The following MBD1 variants were observed in gnomAD, a reference collection of about 807,000 sequenced individuals.
MBD1 encodes the protein methyl-CpG binding domain protein 1, also known as methyl-CpG-binding domain protein 1.
In MBD1, 25 loss-of-function variants were observed where a neutral mutation model predicts 82.6. That is an observed-to-expected ratio of 0.30 (90% CI 0.22 to 0.42). MBD1 has a LOEUF of 0.42. MBD1 is among the 10% of genes least tolerant of loss of function. MBD1 has a pLI of 1.00. For synonymous variants in MBD1, 301 were observed against 303.7 expected (o/e 0.99, Z 0.09); for missense variants, 627 against 819.6 (o/e 0.76, Z 2.87).
intron 2 of MBD1, 99 bp from the exon 3 acceptor site, chr18:50,277,303 G>A: frequency 1.0e-6 from 1 of 958,222 alleles, no homozygotes; most frequent in Non-Finnish European, 1.6e-6. Context: ...GAGGCAGCCT[G>A]GAATTGGCTT....
Position 50,276,407 on chromosome 18 carries a change from C to T in MBD1, c.487G>A (p.Ala163Thr). The change falls in exon 6 of 17, where the codon GCC (alanine) becomes ACC (threonine). Residue 163 changes from alanine (A) to threonine (T), a missense_variant. By Grantham distance (58) the Ala-to-Thr change is moderately conservative. Around this residue, in one of 6 missense-constraint regions of MBD1, gnomAD observed 228 missense variants for 318.1 expected, o/e 0.72. Coordinates refer to ENST00000269468, the MANE Select transcript of MBD1 (RefSeq NM_015846.4). ...LCKDCRAQRIAFNREQRMFKR... is the reference protein window; with the variant it reads ...LCKDCRAQRITFNREQRMFKR... ...AACATTCTCTGTTCCCGGTTGAAGGCAATTCTCTGTGCTGTGGGGAGGAAG... is the reference window on the plus strand; with the variant it reads ...AACATTCTCTGTTCCCGGTTGAAGGTAATTCTCTGTGCTGTGGGGAGGAAG... The T allele has an allele frequency of 6.2e-7, 1 of 1,614,138 alleles. No homozygotes were observed. The highest frequency in any genetic ancestry group is 1.1e-5 in the South Asian group (1 of 91,070).
In MBD1 at chr18:50,272,702, G is replaced by C. The variant is rs539780746; in HGVS notation, c.1753C>G (p.Arg585Gly). ...EIFSLGGTRFRDTAVWLPRSK... is the reference protein window; with the variant it reads ...EIFSLGGTRFGDTAVWLPRSK... Reference sequence around the variant, plus strand: ...CTTGGCAACCAGACTGCTGTATCTCGGAAGCGGGTTCCACCCAGGCTGAAA... The same window carrying C: ...CTTGGCAACCAGACTGCTGTATCTCCGAAGCGGGTTCCACCCAGGCTGAAA... The change falls in exon 15 of 17, where the codon CGA becomes GGA. Residue 585 changes from arginine (R) to glycine (G), a missense_variant. By Grantham distance (125) the Arg-to-Gly change is moderately radical. Transcript: ENST00000269468. 14 of 1,614,018 alleles carry C rather than the reference G, an allele frequency of 8.7e-6. No individual in the cohort carries two copies. Among genetic ancestry groups the C allele is most frequent in the Non-Finnish European group, 1.1e-5 (13 of 1,180,018 alleles).
chr18:50,274,440 C>A, intron 10 of MBD1, 87 bp from the exon 11 acceptor site: 1 of 1,428,692 alleles, frequency 7.0e-7, no homozygotes, highest in South Asian at 1.2e-5. Flanking sequence ...CCTGGTGCTC[C>A]TCTAGCCCCA....
intron 16 of MBD1, chr18:50,271,095 AG>A (rs2145684841): frequency 9.4e-7 from 1 of 1,059,216 alleles, no homozygotes; most frequent in East Asian, 7.4e-5. Flanking sequence ...TATCTCCCTG[AG>A]GAAGTATGTA....
chr18:50,280,701 TCCCC>T (rs2039896116), intron 1 of MBD1, among the ~76,000 whole-genome samples: 1 of 150,856 alleles, frequency 6.6e-6, no homozygotes, highest in Non-Finnish European at 1.5e-5. Flanking sequence ...GCCCAAGACC[TCCCC>T]CCTTATTTTT....
In MBD1 at chr18:50,269,702, C is replaced by T. The variant is rs765262708; in HGVS notation, c.*149G>A. 1 of 780,250 alleles carries T rather than the reference C, an allele frequency of 1.3e-6. No homozygotes were observed. The highest frequency in any genetic ancestry group is 2.4e-6 in the Non-Finnish European group (1 of 417,770). 48.3% of individuals were successfully genotyped at this position (780,250 alleles called of 1,614,324 possible). The stretch of plus-strand genomic sequence containing the variant: ...CATCGAAGCTGGAGGTGGTGAGAGA[C>T]TGACATGGGTTCCAGGCCATCCTCG... On this transcript the variant is annotated 3_prime_UTR_variant, in exon 17 of 17. Coordinates refer to ENST00000269468, the MANE Select transcript of MBD1 (RefSeq NM_015846.4).
At chr18:50,274,787 A>G (rs533194070) in intron 10 of MBD1, among the ~76,000 whole-genome samples, 190 bp downstream of exon 10, 1 of 152,280 alleles carries the variant, frequency 6.6e-6, no homozygotes, top group African/African-American at 2.4e-5. Context: ...GAGTGTTGGT[A>G]TATGTGACAT....
In MBD1 at chr18:50,276,131, A is replaced by G. The variant is rs1178896394; in HGVS notation, c.517-150T>C. On this transcript the variant is annotated intron_variant, in intron 6 of 16. Coordinates refer to ENST00000269468, the MANE Select transcript of MBD1 (RefSeq NM_015846.4). ...ATCTGAGAAGGTCTGGTTAGTCACCATCACTGAGGCCATTAGTATGTCTAC... is the reference window on the plus strand; with the variant it reads ...ATCTGAGAAGGTCTGGTTAGTCACCGTCACTGAGGCCATTAGTATGTCTAC... 1.2e-5 allele frequency: 12 copies of G among 1,030,008 alleles called. 1 individual carries two copies. Among genetic ancestry groups the G allele is most frequent in the South Asian group, 4.1e-5 (3 of 72,334 alleles). 63.8% of individuals were successfully genotyped at this position (1,030,008 alleles called of 1,614,324 possible). A position where few individuals can be genotyped will look rare whatever the true frequency, so the allele number is the denominator to read the frequency against.
Position 50,269,378 on chromosome 18 carries a change from A to T in MBD1, c.*473T>A, listed in dbSNP as rs2034531716. 1 of 1,249,792 alleles carries T rather than the reference A, an allele frequency of 8.0e-7. No homozygotes were observed. The highest frequency in any genetic ancestry group is 1.5e-5 in the African/African-American group (1 of 66,048). The allele number at this position is 1,249,792 out of a possible 1,614,324, so 77.4% of individuals were successfully genotyped here. A position where few individuals can be genotyped will look rare whatever the true frequency, so the allele number is the denominator to read the frequency against. On this transcript the variant is annotated 3_prime_UTR_variant, in exon 17 of 17. Transcript: ENST00000269468. Reference sequence around the variant, plus strand: ...GCTATGTTTCCCGGAACTCTCTTCCAGTAAGATGGGCCACAAGAGACATTT... The same window carrying T: ...GCTATGTTTCCCGGAACTCTCTTCCTGTAAGATGGGCCACAAGAGACATTT...
intron 6 of MBD1, 81 bp from the exon 7 acceptor site, chr18:50,276,062 T>C (rs2037746754): frequency 6.5e-7 from 1 of 1,537,686 alleles, no homozygotes. Context: ...CTACATCAGC[T>C]GGCATCACCA....
rs2034478439 is a variant in MBD1 at position 50,269,235 on chromosome 18, G to A, written c.*616C>T. The A allele has an allele frequency of 9.2e-7, 1 of 1,082,558 alleles. No homozygotes were observed. The highest frequency in any genetic ancestry group is 4.9e-5 in the Admixed American group (1 of 20,390). The allele number at this position is 1,082,558 out of a possible 1,614,324, so 67.1% of individuals were successfully genotyped here. A position where few individuals can be genotyped will look rare whatever the true frequency, so the allele number is the denominator to read the frequency against. On this transcript the variant is annotated 3_prime_UTR_variant, in exon 17 of 17. Transcript: ENST00000269468. Reference sequence around the variant, plus strand: ...TTGCTGGAATCACCATGAAATCCATGGTCTTCAGCTTTGCATTTTCAGCCA... The same window carrying A: ...TTGCTGGAATCACCATGAAATCCATAGTCTTCAGCTTTGCATTTTCAGCCA...
chr18:50,274,593 T>C (rs1293935023), intron 10 of MBD1, among the ~76,000 whole-genome samples: 2 of 152,188 alleles, frequency 1.3e-5, no homozygotes, highest in Non-Finnish European at 2.9e-5. Context: ...TCCACTACAG[T>C]ATCCACTGCT....
chr18:50,268,871 ATAATTT>A lies in MBD1; in HGVS notation c.*974_*979del. 1.0e-6 allele frequency: 1 copy of A among 970,436 alleles called. No homozygotes were observed. Among genetic ancestry groups the A allele is most frequent in the Non-Finnish European group, 1.2e-6 (1 of 816,272 alleles). The allele number at this position is 970,436 out of a possible 1,614,324, so 60.1% of individuals were successfully genotyped here. On this transcript the variant is annotated 3_prime_UTR_variant, in exon 17 of 17. Coordinates refer to ENST00000269468, the MANE Select transcript of MBD1 (RefSeq NM_015846.4). ...TAAGTGGGACAATAAAAATTTAAAAATAATTTTAAAATAGAACAGCTTAGAGATAGA... is the reference window on the plus strand; with the variant it reads ...TAAGTGGGACAATAAAAATTTAAAAATAAAATAGAACAGCTTAGAGATAGA...
In MBD1 at chr18:50,270,354, T is replaced by C. The variant is rs926965829; in HGVS notation, c.*33-536A>G. 2.1e-5 allele frequency: 13 copies of C among 634,138 alleles called. No individual in the cohort carries two copies. In the East Asian group the frequency reaches 3.9e-4, roughly 19 times the overall value. 39.3% of individuals were successfully genotyped at this position (634,138 alleles called of 1,614,324 possible). ...CTAACAAATTACAGGTCTAATCTTTTTGGCACTTTATGAATGAAGAATTGG... is the reference window on the plus strand; with the variant it reads ...CTAACAAATTACAGGTCTAATCTTTCTGGCACTTTATGAATGAAGAATTGG... On this transcript the variant is annotated intron_variant, in intron 16 of 16. Coordinates refer to ENST00000269468, the MANE Select transcript of MBD1 (RefSeq NM_015846.4).
At position 50,275,029 on chromosome 18, in the gene MBD1, G is replaced by A. The variant is rs1050857509; in HGVS notation, c.926C>T (p.Ala309Val). Residue 309 changes from alanine (A) to valine (V), a missense_variant, in exon 10 of 17, where the codon GCC becomes GTC. By Grantham distance (64) the Ala-to-Val change is moderately conservative. This residue lies in a region of MBD1 where 228 missense variants were observed against 318.1 expected (regional missense o/e 0.72). Coordinates refer to ENST00000269468, the MANE Select transcript of MBD1 (RefSeq NM_015846.4). ...EPTEPHPRAL[A>V]PSPPAEFIYY... is the part of the protein sequence containing the mutation. ...GATGAACTCGGCAGGTGGCGAGGGG[G>A]CCAGGGCTCTGGGGTGCTGTAGAGG... The A allele has an allele frequency of 3.1e-6, 5 of 1,614,046 alleles. No homozygotes were observed. In the African/African-American group the frequency reaches 6.7e-5, roughly 22 times the overall value.
chr18:50,274,856 T>A (rs2037115797), intron 10 of MBD1, 121 bp downstream of exon 10: 1 of 1,015,806 alleles, frequency 9.8e-7, no homozygotes, highest in Non-Finnish European at 1.5e-6. Flanking sequence ...ACTCATCCCA[T>A]CCTAGGACCC....
chr18:50,281,281 C>A, intron 1 of MBD1, 82 bp downstream of exon 1: 1 of 1,461,028 alleles, frequency 6.8e-7, no homozygotes, highest in Non-Finnish European at 9.3e-7. Context: ...CCCTTCATTC[C>A]TCCCCGTCAG....
At position 50,272,974 on chromosome 18, in the gene MBD1, AGGCAACCATTAGAAG is replaced by A; in HGVS notation, c.1585-34_1585-20del. The A allele has an allele frequency of 1.2e-6, 2 of 1,614,056 alleles. No individual in the cohort carries two copies. Among genetic ancestry groups the A allele is most frequent in the East Asian group, 4.5e-5 (2 of 44,866 alleles). ...CTACTGCCTGGGAGAAGTAGGAAACAGGCAACCATTAGAAGGGCAGAGTTCACCTGAGGAAAGTCT... is the reference window on the plus strand; with the variant it reads ...CTACTGCCTGGGAGAAGTAGGAAACAGGCAGAGTTCACCTGAGGAAAGTCT... On this transcript the variant is annotated intron_variant, in intron 13 of 16. Transcript: ENST00000269468.
chr18:50,280,096 TG>T, intron 1 of MBD1, 79 bp from the exon 2 acceptor site: 1 of 1,420,048 alleles, frequency 7.0e-7, no homozygotes, highest in Non-Finnish European at 9.6e-7. Flanking sequence ...CACAAATCAC[TG>T]GTATCCATTA....
Sources: gnomAD v4.1 joint callset for allele counts (sites outside exome capture counted in the v4.1 genomes callset) on GRCh38, gnomAD v4.1.1 for gene constraint, gnomAD v4.1.1 regional missense constraint, MANE v1.5 for transcripts, NCBI Gene and HGNC (gene_info 2026-07-23, HGNC 2026-07-21) for gene names.